Variants in VTI1A observed in about 807,000 individuals in gnomAD.
The protein encoded by VTI1A is vesicle transport through interaction with t-SNAREs 1A.
VTI1A carries 22 observed loss-of-function variants against 34.9 expected under a neutral mutation model. The ratio of observed to expected loss-of-function variants is 0.63; its 90% confidence interval spans 0.45 to 0.90. VTI1A has a LOEUF of 0.90. Ranked by LOEUF, VTI1A falls within the 40% of genes least tolerant of loss-of-function variation. The probability of loss-of-function intolerance (pLI) is 0.00; values close to 1 mark genes in which losing one functional copy is unlikely to be tolerated. For synonymous variants in VTI1A, 87 were observed against 97.3 expected (o/e 0.89, Z 0.62); for missense variants, 268 against 275.6 (o/e 0.97, Z 0.20).
intron 3 of VTI1A, among the ~76,000 whole-genome samples, chr10:112,504,502 T>C (rs1039928833): frequency 3.9e-5 from 3 of 77,362 alleles, no homozygotes; most frequent in African/African-American, 1.3e-4. Context: ...TTTTTTATTC[T>C]TTTTTTTTTA....
At chr10:112,758,487 G>A (rs1010986254) in intron 7 of VTI1A, among the ~76,000 whole-genome samples, 1 of 152,196 alleles carries the variant, frequency 6.6e-6, no homozygotes, top group African/African-American at 2.4e-5. Context: ...ACAGGGTTCA[G>A]GAATCTACAT....
intron 3 of VTI1A, among the ~76,000 whole-genome samples, chr10:112,470,984 G>A (rs1049858512): frequency 6.6e-6 from 1 of 152,194 alleles, no homozygotes; most frequent in Non-Finnish European, 1.5e-5. Context: ...ACGGGTCAGG[G>A]TGGGGGCGCT....
intron 7 of VTI1A, among the ~76,000 whole-genome samples, chr10:112,735,857 C>G (rs1445849909): frequency 6.6e-6 from 1 of 151,778 alleles, no homozygotes; most frequent in Non-Finnish European, 1.5e-5. Flanking sequence ...TGCCACAAGA[C>G]CTTTTTTAAT....
chr10:112,548,525 T>C (rs1851222703), intron 5 of VTI1A: 3 of 614,954 alleles, frequency 4.9e-6, no homozygotes, highest in South Asian at 4.3e-5. Flanking sequence ...CTACTAAACT[T>C]AAATGGCCAA....
At position 112,671,050 on chromosome 10, in the gene VTI1A, T is replaced by C. The variant is rs556273442; in HGVS notation, c.560+2052T>C. On this transcript the variant is annotated intron_variant, in intron 7 of 7. Coordinates refer to ENST00000393077, the MANE Select transcript of VTI1A (RefSeq NM_145206.4). ...TGCCGCGTATGATATACAATGTATT[T>C]TGGACTTGAAAAGGCACAAACATTT... Among the ~76,000 whole-genome samples, 3 of 152,348 alleles carry C rather than the reference T, an allele frequency of 2.0e-5. No homozygotes were observed. The South Asian group carries it at 6.2e-4, about 32-fold the overall frequency.
intron 3 of VTI1A, among the ~76,000 whole-genome samples, chr10:112,511,834 C>T (rs1433792926): frequency 6.6e-6 from 1 of 152,096 alleles, no homozygotes; most frequent in African/African-American, 2.4e-5. Context: ...CTTTTTGTGC[C>T]TGGCTTACTT....
chr10:112,728,148 C>T (rs764117054), intron 7 of VTI1A, among the ~76,000 whole-genome samples: 16 of 152,078 alleles, frequency 1.1e-4, no homozygotes, highest in Non-Finnish European at 1.6e-4. Flanking sequence ...TGGAACCAGT[C>T]CCTGCGTAAA....
At chr10:112,490,682 G>C (rs1214961679) in intron 3 of VTI1A, among the ~76,000 whole-genome samples, 2 of 151,128 alleles carry the variant, frequency 1.3e-5, no homozygotes, top group Non-Finnish European at 2.9e-5. Flanking sequence ...ATAGCAATCA[G>C]CTGGGGAGCA....
intron 3 of VTI1A, among the ~76,000 whole-genome samples, chr10:112,480,526 A>T (rs1589814101): frequency 6.6e-6 from 1 of 152,030 alleles, no homozygotes; most frequent in Non-Finnish European, 1.5e-5. Flanking sequence ...GTGTGTGTGC[A>T]TGTGCATGTG....
chr10:112,765,836 G>A (rs1315158896), intron 7 of VTI1A, among the ~76,000 whole-genome samples: 1 of 152,186 alleles, frequency 6.6e-6, no homozygotes, highest in Non-Finnish European at 1.5e-5. Flanking sequence ...CTACCCCAGA[G>A]TTTCTGTGTC....
intron 5 of VTI1A, among the ~76,000 whole-genome samples, chr10:112,637,703 TTTAACTC>T (rs1468730084): frequency 6.6e-6 from 1 of 152,186 alleles, no homozygotes; most frequent in Non-Finnish European, 1.5e-5. Flanking sequence ...TTCTTTAGCA[TTTAACTC>T]TTAAGTAAAG....
At chr10:112,495,481 T>C (rs980901316) in intron 3 of VTI1A, among the ~76,000 whole-genome samples, 5 of 152,124 alleles carry the variant, frequency 3.3e-5, no homozygotes, top group African/African-American at 7.2e-5. Flanking sequence ...CCTAATTAAG[T>C]TGGGAGAGAC....
rs550629571 is a variant in VTI1A at position 112,611,299 on chromosome 10, A to G, written c.428-56919A>G. ...TATTATCTGTTGAGCTTGATTCTCT[A>G]CTCTTTTTATTGCCATTGTTTTTCA... On this transcript the variant is annotated intron_variant, in intron 5 of 7. Coordinates refer to ENST00000393077, the MANE Select transcript of VTI1A (RefSeq NM_145206.4). Among the ~76,000 whole-genome samples, 9 of 151,938 alleles carry G rather than the reference A, an allele frequency of 5.9e-5. No homozygotes were observed. In the South Asian group the frequency reaches 1.9e-3, roughly 32 times the overall value.
At chr10:112,505,638 G>T (rs1485919479) in intron 3 of VTI1A, among the ~76,000 whole-genome samples, 1 of 151,102 alleles carries the variant, frequency 6.6e-6, no homozygotes, top group Non-Finnish European at 1.5e-5. Flanking sequence ...TTTTATTCCT[G>T]TGGTGCTTAC....
At chr10:112,771,035 A>T (rs1851800918) in intron 7 of VTI1A, among the ~76,000 whole-genome samples, 1 of 151,942 alleles carries the variant, frequency 6.6e-6, no homozygotes, top group Non-Finnish European at 1.5e-5. Flanking sequence ...AGACTTCGGG[A>T]TTCCCCAGGA....
chr10:112,618,194 C>T (rs1238068923), intron 5 of VTI1A, among the ~76,000 whole-genome samples: 1 of 151,768 alleles, frequency 6.6e-6, no homozygotes, highest in Non-Finnish European at 1.5e-5. Flanking sequence ...AACTCTTCTA[C>T]TTAACAGCTG....
chr10:112,842,050 CCTTTTTTTTTTTTTT>C, the VTI1A span, among the ~76,000 whole-genome samples: 4 of 93,166 alleles, frequency 4.3e-5, no homozygotes, highest in African/African-American at 1.4e-4. Context: ...TTTTTTTTTT[CCTTTTTTTTTTTTTT>C]TTTTTTTTTT....
chr10:112,791,424 T>A (rs1043829411), intron 7 of VTI1A, among the ~76,000 whole-genome samples: 16 of 152,122 alleles, frequency 1.1e-4, no homozygotes, highest in Admixed American at 9.2e-4. Flanking sequence ...ATTCTTTTTT[T>A]AAAAAAGAAG....
At chr10:112,630,145 G>A (rs1269190133) in intron 5 of VTI1A, among the ~76,000 whole-genome samples, 1 of 152,188 alleles carries the variant, frequency 6.6e-6, no homozygotes, top group East Asian at 1.9e-4. Context: ...ATTATTAGGG[G>A]TTCCTTTCTA....
Sources: gnomAD v4.1 joint callset for allele counts (sites outside exome capture counted in the v4.1 genomes callset) on GRCh38, gnomAD v4.1.1 for gene constraint, MANE v1.5 for transcripts, NCBI Gene and HGNC (gene_info 2026-07-23, HGNC 2026-07-21) for gene names.